The following KIF2B variants were observed in gnomAD, a reference collection of about 807,000 sequenced individuals.
The protein encoded by KIF2B is kinesin-like protein KIF2B.
A neutral mutation model predicts 6.8 loss-of-function variants in KIF2B; 5 were observed. The ratio of observed to expected loss-of-function variants is 0.74; its 90% CI spans 0.39 to 1.55. The LOEUF (loss-of-function observed/expected upper bound fraction) is 1.55. KIF2B is among the 40% of genes most tolerant of loss of function. KIF2B has a pLI of 0.03. For missense variants in KIF2B, 908 were observed against 831.3 expected (o/e 1.09, Z -1.13); for synonymous variants, 370 against 330.7 (o/e 1.12, Z -1.29).
At position 53,823,831 on chromosome 17, in the gene KIF2B, C is replaced by T. The variant is rs780981852; in HGVS notation, c.798C>T (p.Phe266=). The change falls in exon 1 of 1, where the codon TTC becomes TTT. Residue 266 remains phenylalanine, a synonymous_variant. Transcript: ENST00000268919. ...ACCTGCAGAACCAGACCTTCTGCTTCGACCATGCCTTCGATGACAAAGCCT... is the reference window on the plus strand; with the variant it reads ...ACCTGCAGAACCAGACCTTCTGCTTTGACCATGCCTTCGATGACAAAGCCT... ...TRYLQNQTFC[F]DHAFDDKASN... is the part of the protein sequence containing the mutation. The T allele has an allele frequency of 1.2e-5, 19 of 1,614,118 alleles. No homozygotes were observed. The highest frequency in any genetic ancestry group is 1.4e-5 in the Non-Finnish European group (17 of 1,180,052).
At position 53,823,821 on chromosome 17, in the gene KIF2B, C is replaced by G. The variant is rs751224639; in HGVS notation, c.788C>G (p.Thr263Ser). Residue 263 changes from threonine to serine, a missense_variant, in exon 1 of 1, where the codon ACC (threonine) becomes AGC (serine). Thr to Ser is a moderately conservative substitution (Grantham distance 58, BLOSUM62 1). Coordinates refer to ENST00000268919, the MANE Select transcript of KIF2B (RefSeq NM_032559.5). ...CTCACTCGCTACCTGCAGAACCAGA[C>G]CTTCTGCTTCGACCATGCCTTCGAT... ...VDLTRYLQNQ[T>S]FCFDHAFDDK... 11 of 1,614,132 alleles carry G rather than the reference C, an allele frequency of 6.8e-6. No homozygotes were observed. The South Asian group carries it at 1.1e-4, about 16-fold the overall frequency.
chr17:53,824,342 C>T lies in KIF2B; in HGVS notation c.1309C>T (p.Arg437Trp), dbSNP rs4561519. The change falls in exon 1 of 1, where the codon CGG becomes TGG. Residue 437 changes from arginine to tryptophan, a missense_variant. Arg to Trp is a moderately radical substitution (Grantham distance 101). Coordinates refer to ENST00000268919, the MANE Select transcript of KIF2B (RefSeq NM_032559.5). Reference sequence around the variant, plus strand: ...GTTCCAGATCATCCTGAAGTCAGGACGGATAATGCATGGCAAGTTTTCCCT... The same window carrying T: ...GTTCCAGATCATCCTGAAGTCAGGATGGATAATGCATGGCAAGTTTTCCCT... Reference protein sequence around the residue: ...AVFQIILKSGRIMHGKFSLVD... With the variant: ...AVFQIILKSGWIMHGKFSLVD... 2 of 1,613,974 alleles carry T rather than the reference C, an allele frequency of 1.2e-6. No individual in the cohort carries two copies. The highest frequency in any genetic ancestry group is 1.7e-4 in the Middle Eastern group (1 of 6,040).
At position 53,823,895 on chromosome 17, in the gene KIF2B, G is replaced by A. The variant is rs374105424; in HGVS notation, c.862G>A (p.Val288Met). The A allele has an allele frequency of 6.2e-7, 1 of 1,614,132 alleles. No homozygotes were observed. The highest frequency in any genetic ancestry group is 8.5e-7 in the Non-Finnish European group (1 of 1,180,058). ...LVYQFTAQPLVESIFRKGMAT... is the reference protein window; with the variant it reads ...LVYQFTAQPLMESIFRKGMAT... ...GTACCAGTTCACCGCCCAGCCACTG[G>A]TGGAGTCCATCTTCCGCAAGGGCAT... The change falls in exon 1 of 1, where the codon GTG becomes ATG. Residue 288 changes from valine to methionine, a missense_variant. Physicochemically the swap from Val to Met is conservative, Grantham distance 21 (BLOSUM62 1). Transcript: ENST00000268919.
rs771221325 is a variant in KIF2B, at chr17:53,824,787, C to A, written c.1754C>A (p.Pro585His). Residue 585 changes from proline to histidine, a missense_variant, in exon 1 of 1, where the codon CCT (proline) becomes CAT (histidine). Transcript: ENST00000268919. ...CAGAGGGATGAATTTATTAAAATAC[C>A]TTATGTACAGAGTGAGGAGCAGAAA... ...SLQRDEFIKI[P>H]YVQSEEQKEI... 6.2e-6 allele frequency: 10 copies of A among 1,613,756 alleles called. No homozygotes were observed.
chr17:53,823,930 C>T lies in KIF2B; in HGVS notation c.897C>T (p.Cys299=). 6.2e-7 allele frequency: 1 copy of T among 1,614,232 alleles called. No individual in the cohort carries two copies. Among genetic ancestry groups the T allele is most frequent in the Non-Finnish European group, 8.5e-7 (1 of 1,180,050 alleles). The stretch of plus-strand genomic sequence containing the variant: ...TCTTCCGCAAGGGCATGGCCACCTG[C>T]TTTGCCTATGGGCAGACGGGAAGTG... ...ESIFRKGMAT[C]FAYGQTGSGK... Residue 299 remains cysteine (C), a synonymous_variant, in exon 1 of 1, where the codon TGC becomes TGT. Transcript: ENST00000268919.
chr17:53,824,704 T>C lies in KIF2B; in HGVS notation c.1671T>C (p.Ile557=). Residue 557 remains isoleucine, a synonymous_variant, in exon 1 of 1, where the codon ATT becomes ATC. Transcript: ENST00000268919. ...VRPYHRGHYP[I]GHEAPRMLKS... Reference sequence around the variant, plus strand: ...CCTACCATCGTGGCCACTATCCGATTGGACATGAGGCACCAAGGATGTTAA... The same window carrying C: ...CCTACCATCGTGGCCACTATCCGATCGGACATGAGGCACCAAGGATGTTAA... 7 of 1,614,186 alleles carry C rather than the reference T, an allele frequency of 4.3e-6. No individual in the cohort carries two copies. The highest frequency in any genetic ancestry group is 5.9e-6 in the Non-Finnish European group (7 of 1,180,016).
At position 53,824,565 on chromosome 17, in the gene KIF2B, A is replaced by G. The variant is rs2143785918; in HGVS notation, c.1532A>G (p.Asn511Ser). 2 of 1,613,982 alleles carry G rather than the reference A, an allele frequency of 1.2e-6. No individual in the cohort carries two copies. The highest frequency in any genetic ancestry group is 1.7e-6 in the Non-Finnish European group (2 of 1,179,990). Residue 511 changes from asparagine to serine, a missense_variant, in exon 1 of 1, where the codon AAC becomes AGC. By Grantham distance (46) the Asn-to-Ser change is conservative. Coordinates refer to ENST00000268919, the MANE Select transcript of KIF2B (RefSeq NM_032559.5). ...CTCCGGGACTCCTTTATAGGCCAGA[A>G]CTCCTCCACTTGCATGATTGCTACC... Reference protein sequence around the residue: ...LVLRDSFIGQNSSTCMIATIS... With the variant: ...LVLRDSFIGQSSSTCMIATIS...
chr17:53,824,641 T>C lies in KIF2B; in HGVS notation c.1608T>C (p.Tyr536=), dbSNP rs149644944. The C allele has an allele frequency of 3.1e-6, 5 of 1,614,114 alleles. No individual in the cohort carries two copies. The East Asian group carries it at 8.9e-5, about 29-fold the overall frequency. Residue 536 remains tyrosine, a synonymous_variant, in exon 1 of 1, where the codon TAT becomes TAC. Coordinates refer to ENST00000268919, the MANE Select transcript of KIF2B (RefSeq NM_032559.5). ...SCENTLNTLR[Y]ANRVKKLNVD... Reference sequence around the variant, plus strand: ...AAAACACTCTCAACACTTTAAGATATGCAAACAGAGTAAAAAAATTAAATG... The same window carrying C: ...AAAACACTCTCAACACTTTAAGATACGCAAACAGAGTAAAAAAATTAAATG...
In KIF2B at chr17:53,824,574, C is replaced by T. The variant is rs2143785955; in HGVS notation, c.1541C>T (p.Thr514Ile). 1.2e-6 allele frequency: 2 copies of T among 1,614,154 alleles called. No individual in the cohort carries two copies. Among genetic ancestry groups the T allele is most frequent in the Non-Finnish European group, 1.7e-6 (2 of 1,180,024 alleles). ...RDSFIGQNSSTCMIATISPGM... is the reference protein window; with the variant it reads ...RDSFIGQNSSICMIATISPGM... ...TCCTTTATAGGCCAGAACTCCTCCACTTGCATGATTGCTACCATCTCTCCG... is the reference window on the plus strand; with the variant it reads ...TCCTTTATAGGCCAGAACTCCTCCATTTGCATGATTGCTACCATCTCTCCG... The change falls in exon 1 of 1, where the codon ACT (threonine) becomes ATT (isoleucine). Residue 514 changes from threonine (T) to isoleucine (I), a missense_variant. By Grantham distance (89) the Thr-to-Ile change is moderately conservative. Coordinates refer to ENST00000268919, the MANE Select transcript of KIF2B (RefSeq NM_032559.5).
At position 53,825,128 on chromosome 17, in the gene KIF2B, T is replaced by C. The variant is rs957583018; in HGVS notation, c.*73T>C. The C allele has an allele frequency of 8.1e-5, 67 of 822,532 alleles. No individual in the cohort carries two copies. The highest frequency in any genetic ancestry group is 5.2e-5 in the Non-Finnish European group (29 of 561,124). 51.0% of individuals were successfully genotyped at this position (822,532 alleles called of 1,614,324 possible). A position where few individuals can be genotyped will look rare whatever the true frequency, so the allele number is the denominator to read the frequency against. ...CCACCACTCTTATACAGGAAAACTGTCCAAATTATCTAAAGATCCTCCTGA... is the reference window on the plus strand; with the variant it reads ...CCACCACTCTTATACAGGAAAACTGCCCAAATTATCTAAAGATCCTCCTGA... On this transcript the variant is annotated 3_prime_UTR_variant, in exon 1 of 1. Transcript: ENST00000268919.
rs144860004 is a variant in KIF2B, at chr17:53,823,980, A to G, written c.947A>G (p.Asp316Gly). 67 of 1,614,030 alleles carry G rather than the reference A, an allele frequency of 4.2e-5. 1 individual carries two copies. In the African/African-American group the frequency reaches 6.1e-4, roughly 15 times the overall value. The change falls in exon 1 of 1, where the codon GAC becomes GGC. Residue 316 changes from aspartate to glycine, a missense_variant. Transcript: ENST00000268919. Reference protein sequence around the residue: ...GSGKTYTMGGDFSGTAQDCSK... With the variant: ...GSGKTYTMGGGFSGTAQDCSK... ...GGGAAGACGTACACCATGGGTGGAG[A>G]CTTTTCAGGAACGGCCCAAGATTGT...
At position 53,823,695 on chromosome 17, in the gene KIF2B, G is replaced by A. The variant is rs746780195; in HGVS notation, c.662G>A (p.Arg221Gln). The change falls in exon 1 of 1, where the codon CGG (arginine) becomes CAG (glutamine). Residue 221 changes from arginine (R) to glutamine (Q), a missense_variant. Coordinates refer to ENST00000268919, the MANE Select transcript of KIF2B (RefSeq NM_032559.5). ...CGCATCTGCGTCTGCGTGAGGAAGC[G>A]GCCTCTCAACCAGCGAGAGACAACC... ...EHRICVCVRK[R>Q]PLNQRETTLK... 1 of 1,614,180 alleles carries A rather than the reference G, an allele frequency of 6.2e-7. No individual in the cohort carries two copies. The highest frequency in any genetic ancestry group is 8.5e-7 in the Non-Finnish European group (1 of 1,180,044).
chr17:53,823,366 C>G lies in KIF2B; in HGVS notation c.333C>G (p.Thr111=). ...APSSAIRDQR[T]ATKWVAMIPQ... Reference sequence around the variant, plus strand: ...CTTCGGCCATCAGGGACCAGCGTACCGCCACGAAATGGGTTGCGATGATCC... The same window carrying G: ...CTTCGGCCATCAGGGACCAGCGTACGGCCACGAAATGGGTTGCGATGATCC... Residue 111 remains threonine (T), a synonymous_variant, in exon 1 of 1, where the codon ACC becomes ACG. Transcript: ENST00000268919. 6.2e-7 allele frequency: 1 copy of G among 1,614,074 alleles called. No individual in the cohort carries two copies. The highest frequency in any genetic ancestry group is 1.1e-5 in the South Asian group (1 of 91,078).
At position 53,823,686 on chromosome 17, in the gene KIF2B, T is replaced by C. The variant is rs558143750; in HGVS notation, c.653T>C (p.Val218Ala). Residue 218 changes from valine (V) to alanine (A), a missense_variant, in exon 1 of 1, where the codon GTG (valine) becomes GCG (alanine). By Grantham distance (64) the Val-to-Ala change is moderately conservative. Transcript: ENST00000268919. ...PPQEHRICVCVRKRPLNQRET... is the reference protein window; with the variant it reads ...PPQEHRICVCARKRPLNQRET... ...CAAGAACATCGCATCTGCGTCTGCG[T>C]GAGGAAGCGGCCTCTCAACCAGCGA... The C allele has an allele frequency of 1.5e-4, 241 of 1,614,208 alleles. 2 individuals are homozygous for C. In the South Asian group the frequency reaches 2.5e-3, roughly 17 times the overall value.
rs1163190351 is a variant in KIF2B, at chr17:53,823,390, C to A, written c.357C>A (p.Ile119=). ...QRTATKWVAM[I]PQKNQTASGD... is the part of the protein sequence containing the mutation. Reference sequence around the variant, plus strand: ...CCGCCACGAAATGGGTTGCGATGATCCCCCAGAAAAACCAAACAGCCTCAG... The same window carrying A: ...CCGCCACGAAATGGGTTGCGATGATACCCCAGAAAAACCAAACAGCCTCAG... Residue 119 remains isoleucine (I), a synonymous_variant, in exon 1 of 1, where the codon ATC becomes ATA. Transcript: ENST00000268919. 1 of 1,614,042 alleles carries A rather than the reference C, an allele frequency of 6.2e-7. No homozygotes were observed. The highest frequency in any genetic ancestry group is 1.1e-5 in the South Asian group (1 of 91,070).
Position 53,823,817 on chromosome 17 carries a change from C to G in KIF2B, c.784C>G (p.Gln262Glu), listed in dbSNP as rs2143781907. The change falls in exon 1 of 1, where the codon CAG (glutamine) becomes GAG (glutamate). Residue 262 changes from glutamine (Q) to glutamate (E), a missense_variant. Physicochemically the swap from Gln to Glu is conservative, Grantham distance 29. Coordinates refer to ENST00000268919, the MANE Select transcript of KIF2B (RefSeq NM_032559.5). ...GGACCTCACTCGCTACCTGCAGAAC[C>G]AGACCTTCTGCTTCGACCATGCCTT... is the stretch of plus-strand genomic sequence containing the variant. ...KVDLTRYLQN[Q>E]TFCFDHAFDD... 1 of 1,614,230 alleles carries G rather than the reference C, an allele frequency of 6.2e-7. No homozygotes were observed. The highest frequency in any genetic ancestry group is 2.2e-5 in the East Asian group (1 of 44,876).
In KIF2B at chr17:53,823,844, G is replaced by A. The variant is rs756074198; in HGVS notation, c.811G>A (p.Asp271Asn). ...GACCTTCTGCTTCGACCATGCCTTC[G>A]ATGACAAAGCCTCCAACGAGTTGGT... The part of the protein sequence containing the change: ...NQTFCFDHAF[D>N]DKASNELVYQ... The change falls in exon 1 of 1, where the codon GAT becomes AAT. Residue 271 changes from aspartate (D) to asparagine (N), a missense_variant. Transcript: ENST00000268919. The A allele has an allele frequency of 5.6e-6, 9 of 1,614,210 alleles. No individual in the cohort carries two copies. Among genetic ancestry groups the A allele is most frequent in the Middle Eastern group, 3.3e-4 (2 of 6,062 alleles).
rs1481256817 is a variant in KIF2B, at chr17:53,822,942, G to T, written c.-92G>T. ...AAAGGCAGGCACAGACTGCAACCCTGCTCAGTGCTCCGGGCGCTTCAGGCT... is the reference window on the plus strand; with the variant it reads ...AAAGGCAGGCACAGACTGCAACCCTTCTCAGTGCTCCGGGCGCTTCAGGCT... On this transcript the variant is annotated 5_prime_UTR_variant, in exon 1 of 1. Coordinates refer to ENST00000268919, the MANE Select transcript of KIF2B (RefSeq NM_032559.5). The T allele has an allele frequency of 1.7e-5, 20 of 1,164,426 alleles. No individual in the cohort carries two copies. The highest frequency in any genetic ancestry group is 2.2e-5 in the Non-Finnish European group (18 of 819,196). The allele number at this position is 1,164,426 out of a possible 1,614,324, so 72.1% of individuals were successfully genotyped here. A position where few individuals can be genotyped will look rare whatever the true frequency, so the allele number is the denominator to read the frequency against.
chr17:53,823,700 C>G lies in KIF2B; in HGVS notation c.667C>G (p.Leu223Val). 1 of 1,614,232 alleles carries G rather than the reference C, an allele frequency of 6.2e-7. No homozygotes were observed. Among genetic ancestry groups the G allele is most frequent in the Non-Finnish European group, 8.5e-7 (1 of 1,180,050 alleles). Residue 223 changes from leucine (L) to valine (V), a missense_variant, in exon 1 of 1, where the codon CTC (leucine) becomes GTC (valine). By Grantham distance (32) the Leu-to-Val change is conservative. Coordinates refer to ENST00000268919, the MANE Select transcript of KIF2B (RefSeq NM_032559.5). ...RICVCVRKRP[L>V]NQRETTLKDL... ...CTGCGTCTGCGTGAGGAAGCGGCCT[C>G]TCAACCAGCGAGAGACAACCTTAAA... is the stretch of plus-strand genomic sequence containing the variant.
Sources: allele counts gnomAD v4.1 joint callset, GRCh38; gene constraint gnomAD v4.1.1; transcripts MANE v1.5; gene names NCBI Gene and HGNC (gene_info 2026-07-23, HGNC 2026-07-21).